ABHD17B: variants seen among roughly 807,000 people sequenced by gnomAD.
ABHD17B encodes alpha/beta hydrolase domain-containing protein 17B.
In ABHD17B, 9 loss-of-function variants were observed where a neutral mutation model predicts 26.2. That is an observed-to-expected ratio of 0.34 (90% CI 0.21 to 0.60). The LOEUF (loss-of-function observed/expected upper bound fraction) is 0.60. Among genes scored for constraint, ABHD17B ranks in the 20% least tolerant of loss-of-function variants. The pLI is 0.80. For missense variants in ABHD17B, 224 were observed against 352.1 expected, an observed-to-expected ratio of 0.64 and a Z score of 2.91; for synonymous variants, 127 against 122.3, an observed-to-expected ratio of 1.04 and a Z score of -0.25.
rs1827398207 is a variant in ABHD17B, at chr9:71,909,937, A to G, written c.-4+697T>C. Among the ~76,000 whole-genome samples, 4 of 152,138 alleles carry G rather than the reference A, an allele frequency of 2.6e-5. No individual in the cohort carries two copies. The South Asian group carries it at 6.2e-4, about 24-fold the overall frequency. ...CTTTCCTTCACGAGAGCCCCCACAC[A>G]GTACAATCTAATTTGACATAACTTT... On this transcript the variant is annotated intron_variant, in intron 1 of 3. Coordinates refer to ENST00000333421, the MANE Select transcript of ABHD17B (RefSeq NM_001025780.3).
chr9:71,877,002 C>T (rs1342925467), intron 1 of ABHD17B, among the ~76,000 whole-genome samples: 1 of 152,158 alleles, frequency 6.6e-6, no homozygotes, highest in Non-Finnish European at 1.5e-5. Flanking sequence ...GAAATAACAA[C>T]TAAGTGTCAT....
At chr9:71,909,534 G>A (rs1827381295) in intron 1 of ABHD17B, among the ~76,000 whole-genome samples, 1 of 152,120 alleles carries the variant, frequency 6.6e-6, no homozygotes, top group South Asian at 2.1e-4. Context: ...AAATTTCCCT[G>A]TTAATCTAAA....
chr9:71,908,760 A>T (rs1426957396), intron 1 of ABHD17B, among the ~76,000 whole-genome samples: 1 of 152,234 alleles, frequency 6.6e-6, no homozygotes. Context: ...AAGTAAGAGC[A>T]CTGCATTAAA....
At chr9:71,862,737 C>T (rs545731790), downstream of ABHD17B, 78 of 584,476 alleles carry the variant, frequency 1.3e-4, no homozygotes, top group African/African-American at 1.2e-3. Context: ...GCAAGAATAC[C>T]ACTATTTACA....
chr9:71,897,379 T>G (rs11787844), intron 1 of ABHD17B, among the ~76,000 whole-genome samples: 17,267 of 152,136 alleles, frequency 0.11, 1,119 homozygotes, highest in Middle Eastern at 0.15. Context: ...TAGCTGGGTG[T>G]GGTGGCACAC....
chr9:71,875,141 A>C, intron 1 of ABHD17B, 58 bp from the exon 2 acceptor site: 1 of 1,350,136 alleles, frequency 7.4e-7, no homozygotes, highest in Non-Finnish European at 1.0e-6. Flanking sequence ...CTCATACAAT[A>C]AAAAGTTAAA....
At chr9:71,871,328 C>T (rs1257804512) in intron 2 of ABHD17B, among the ~76,000 whole-genome samples, 3 of 152,166 alleles carry the variant, frequency 2.0e-5, no homozygotes, top group African/African-American at 7.2e-5. Flanking sequence ...CACAGCTCTC[C>T]CCATATAGTT....
rs143756117 is a variant in ABHD17B at position 71,866,177 on chromosome 9, G to A, written c.*610C>T. ...GTAACTCATTGGTAAATTAATAGAT[G>A]GCATAAAAATTAAGATTTACATCTT... On this transcript the variant is annotated 3_prime_UTR_variant, in exon 4 of 4. Coordinates refer to ENST00000333421, the MANE Select transcript of ABHD17B (RefSeq NM_001025780.3). 876 of 982,966 alleles carry A rather than the reference G, an allele frequency of 8.9e-4. No individual in the cohort carries two copies. The highest frequency in any genetic ancestry group is 1.1e-3 in the Admixed American group (18 of 16,258). 60.9% of individuals were successfully genotyped at this position (982,966 alleles called of 1,614,324 possible). A position where few individuals can be genotyped will look rare whatever the true frequency, so the allele number is the denominator to read the frequency against.
At chr9:71,887,834 C>G (rs1419036888) in intron 1 of ABHD17B, among the ~76,000 whole-genome samples, 1 of 152,208 alleles carries the variant, frequency 6.6e-6, no homozygotes, top group Admixed American at 6.5e-5. Flanking sequence ...ATTGCCTACA[C>G]AAGACTATTC....
At chr9:71,905,115 G>A (rs551111548) in intron 1 of ABHD17B, among the ~76,000 whole-genome samples, 1 of 152,024 alleles carries the variant, frequency 6.6e-6, no homozygotes, top group South Asian at 2.1e-4. Context: ...GCTAAAGAGT[G>A]GAAGAAGTTT....
At chr9:71,903,716 A>C (rs2132209685) in intron 1 of ABHD17B, among the ~76,000 whole-genome samples, 1 of 152,370 alleles carries the variant, frequency 6.6e-6, no homozygotes, top group Non-Finnish European at 1.5e-5. Flanking sequence ...AAATAGATTT[A>C]CTGCACTGAC....
At chr9:71,902,040 G>C (rs1341744816) in intron 1 of ABHD17B, among the ~76,000 whole-genome samples, 3 of 152,138 alleles carry the variant, frequency 2.0e-5, no homozygotes, top group Non-Finnish European at 4.4e-5. Context: ...TCCTCGCTAA[G>C]AGAGGTTCTT....
rs571804775 is a variant in ABHD17B at position 71,910,347 on chromosome 9, C to T, written c.-4+287G>A. On this transcript the variant is annotated intron_variant, in intron 1 of 3. Coordinates refer to ENST00000333421, the MANE Select transcript of ABHD17B (RefSeq NM_001025780.3). ...TTCTTAGAGTGTCGGTCGGTCCTCC[C>T]TCCCCCACCCCCTGACTCCGGCCGC... Among the ~76,000 whole-genome samples, 5 of 152,302 alleles carry T rather than the reference C, an allele frequency of 3.3e-5. No individual in the cohort carries two copies. The East Asian group carries it at 9.7e-4, about 29-fold the overall frequency.
rs1213759247 is a variant in ABHD17B at position 71,866,438 on chromosome 9, A to T, written c.*349T>A. 3.0e-6 allele frequency: 3 copies of T among 998,776 alleles called. No homozygotes were observed. The highest frequency in any genetic ancestry group is 8.7e-5 in the East Asian group (1 of 11,432). 61.9% of individuals were successfully genotyped at this position (998,776 alleles called of 1,614,324 possible). A position where few individuals can be genotyped will look rare whatever the true frequency, so the allele number is the denominator to read the frequency against. ...CCAGGATAAGATTTAATATATTGAG[A>T]TGTTTTAAAAATATTTATAAATTTG... On this transcript the variant is annotated 3_prime_UTR_variant, in exon 4 of 4. Transcript: ENST00000333421.
intron 2 of ABHD17B, among the ~76,000 whole-genome samples, chr9:71,872,853 C>CTACT (rs1826153291): frequency 1.3e-5 from 2 of 151,960 alleles, no homozygotes; most frequent in African/African-American, 4.8e-5. Context: ...AACTCTTTAC[C>CTACT]TACTACTTGC....
chr9:71,894,195 T>C (rs944946503), intron 1 of ABHD17B, among the ~76,000 whole-genome samples: 2 of 150,510 alleles, frequency 1.3e-5, no homozygotes, highest in Non-Finnish European at 3.0e-5. Flanking sequence ...ATCAAATATA[T>C]ATTTCACAAT....
chr9:71,909,884 T>A (rs549940154), intron 1 of ABHD17B, among the ~76,000 whole-genome samples: 3 of 151,108 alleles, frequency 2.0e-5, no homozygotes, highest in South Asian at 2.1e-4. Context: ...TTTTTTTTTT[T>A]AAACAAAAAC....
chr9:71,878,824 C>T (rs182314034), intron 1 of ABHD17B, among the ~76,000 whole-genome samples: 1 of 152,192 alleles, frequency 6.6e-6, no homozygotes, highest in East Asian at 1.9e-4. Flanking sequence ...CAAATCAAGT[C>T]TCTCTTTGAA....
intron 1 of ABHD17B, among the ~76,000 whole-genome samples, chr9:71,885,458 T>TA (rs1826579144): frequency 7.8e-5 from 2 of 25,750 alleles, no homozygotes; most frequent in African/African-American, 8.3e-5. Flanking sequence ...AGACTCTGTC[T>TA]CCAAAAAAAA....
Sources: allele counts gnomAD v4.1 joint callset (sites outside exome capture counted in the v4.1 genomes callset), GRCh38; gene constraint gnomAD v4.1.1; transcripts MANE v1.5; gene names NCBI Gene and HGNC (gene_info 2026-07-23, HGNC 2026-07-21).